The following CNTN2 variants were observed in gnomAD, a reference collection of about 807,000 sequenced individuals.
CNTN2 encodes contactin 2, also known as contactin-2.
Under a neutral mutation model 117.5 loss-of-function variants are expected in CNTN2, and 53 were observed. The observed-to-expected ratio is 0.45, with a 90% confidence interval of 0.36 to 0.57. The LOEUF (loss-of-function observed/expected upper bound fraction) is 0.57. Among genes scored for constraint, CNTN2 ranks in the 20% least tolerant of loss-of-function variants. CNTN2 has a pLI of 0.00. For synonymous variants in CNTN2, 530 were observed against 561.7 expected, an observed-to-expected ratio of 0.94 and a Z score of 0.80; for missense variants, 1,106 against 1,404.3, an observed-to-expected ratio of 0.79 and a Z score of 3.39.
chr1:205,065,694 A>T lies in CNTN2; in HGVS notation c.1696-95A>T. 3.4e-6 allele frequency: 2 copies of T among 592,202 alleles called. No homozygotes were observed. The highest frequency in any genetic ancestry group is 3.0e-6 in the Non-Finnish European group (1 of 333,308). The allele number at this position is 592,202 out of a possible 1,614,324, so 36.7% of individuals were successfully genotyped here. ...GTGGGGTCCATGGATGTCATGGAGT[A>T]GGGGACTCCCAAGCGCTGCCTCATG... On this transcript the variant is annotated intron_variant, in intron 13 of 22. Coordinates refer to ENST00000331830, the MANE Select transcript of CNTN2 (RefSeq NM_005076.5). The surrounding 1 kb of genome is among the most constrained non-coding windows in gnomAD (Gnocchi z 4.1).
rs1416205714 is a variant in CNTN2, at chr1:205,059,567, AAC to A, written c.698-15_698-14del. ...GGAGTCATCTGCATCTGATTTGTAA[AAC>A]CCTCTCTCCCCAGATACCCGGCTCT... On this transcript the variant is annotated splice_polypyrimidine_tract_variant and intron_variant, in intron 6 of 22. Coordinates refer to ENST00000331830, the MANE Select transcript of CNTN2 (RefSeq NM_005076.5). The surrounding 1 kb of genome is among the most constrained non-coding windows in gnomAD (Gnocchi z 5.6). The A allele has an allele frequency of 1.2e-6, 2 of 1,612,614 alleles. No homozygotes were observed. The highest frequency in any genetic ancestry group is 2.2e-5 in the South Asian group (2 of 91,026).
intron 1 of CNTN2, among the ~76,000 whole-genome samples, chr1:205,050,811 G>C (rs1207588814): frequency 6.6e-6 from 1 of 151,868 alleles, no homozygotes; most frequent in Non-Finnish European, 1.5e-5. Context: ...TAGAGATGGG[G>C]TTTCACCATG....
Position 205,073,095 on chromosome 1 carries a change from A to T in CNTN2, c.2872A>T (p.Thr958Ser). 5 of 1,613,712 alleles carry T rather than the reference A, an allele frequency of 3.1e-6. No individual in the cohort carries two copies. The highest frequency in any genetic ancestry group is 3.4e-6 in the Non-Finnish European group (4 of 1,179,928). ...GCTGTACCAGAATGACTTACACCTG[A>T]CTCCCACGCTCCACCTCACCGGCAA... ...KMLYQNDLHL[T>S]PTLHLTGKNW... Residue 958 changes from threonine (T) to serine (S), a missense_variant, in exon 22 of 23, where the codon ACT becomes TCT. Thr to Ser is a moderately conservative substitution (Grantham distance 58). Transcript: ENST00000331830. The surrounding 1 kb of genome is among the most constrained non-coding windows in gnomAD (Gnocchi z 6.3).
At position 205,061,187 on chromosome 1, in the gene CNTN2, GCA is replaced by G. The variant is rs776735118; in HGVS notation, c.798-56_798-55del. The stretch of plus-strand genomic sequence containing the variant: ...AGAGTCTGGGTATGAGGAGCTGCGG[GCA>G]CTGGAGGGGTAGGCCCAGCTCAGCC... On this transcript the variant is annotated intron_variant, in intron 7 of 22. Coordinates refer to ENST00000331830, the MANE Select transcript of CNTN2 (RefSeq NM_005076.5). The surrounding 1 kb of genome is among the most constrained non-coding windows in gnomAD (Gnocchi z 4.8). 120 of 1,530,580 alleles carry G rather than the reference GCA, an allele frequency of 7.8e-5. No individual in the cohort carries two copies. The highest frequency in any genetic ancestry group is 9.7e-5 in the Non-Finnish European group (109 of 1,129,002). 94.8% of individuals were successfully genotyped at this position (1,530,580 alleles called of 1,614,324 possible). A position where few individuals can be genotyped will look rare whatever the true frequency, so the allele number is the denominator to read the frequency against.
intron 9 of CNTN2, 29 bp from the exon 10 acceptor site, chr1:205,062,411 C>T: frequency 6.3e-7 from 1 of 1,592,904 alleles, no homozygotes; most frequent in South Asian, 1.1e-5. Flanking sequence ...TGGTCCTGAT[C>T]CCCCTGGGCT....
Position 205,074,481 on chromosome 1 carries a change from T to A in CNTN2, c.*716T>A. On this transcript the variant is annotated 3_prime_UTR_variant, in exon 23 of 23. Coordinates refer to ENST00000331830, the MANE Select transcript of CNTN2 (RefSeq NM_005076.5). ...TGGTGGAAAGGGGCACCAGCCTTGG[T>A]CTGAGATAGTCACAACCCAGGTGAC... 1 of 398,340 alleles carries A rather than the reference T, an allele frequency of 2.5e-6. No homozygotes were observed. 24.7% of individuals were successfully genotyped at this position (398,340 alleles called of 1,614,324 possible). A position where few individuals can be genotyped will look rare whatever the true frequency, so the allele number is the denominator to read the frequency against.
At chr1:205,069,307 G>A in intron 16 of CNTN2, 184 bp from the exon 17 acceptor site, 1 of 561,632 alleles carries the variant, frequency 1.8e-6, no homozygotes, top group Non-Finnish European at 3.2e-6. Context: ...AAATGGCAGA[G>A]GTGGGATTTG....
At chr1:205,062,316 C>T in intron 9 of CNTN2, 124 bp from the exon 10 acceptor site, 7 of 1,318,886 alleles carry the variant, frequency 5.3e-6, no homozygotes, top group Non-Finnish European at 7.2e-6. Context: ...TAGGACTGGA[C>T]ATATAAGCCA....
In CNTN2 at chr1:205,058,085, T is replaced by G. The variant is rs939809329; in HGVS notation, c.215+20T>G. ...CTATCGGTAAGGCCTCTGCAGTGGG[T>G]GCTGGGAGGCCCTGGGCAGCCGTTG... On this transcript the variant is annotated intron_variant, in intron 3 of 22. Transcript: ENST00000331830. This position sits in a 1 kb window ranked among gnomAD's most constrained non-coding sequence, Gnocchi z 4.3. The G allele has an allele frequency of 4.3e-6, 7 of 1,611,170 alleles. No individual in the cohort carries two copies. The highest frequency in any genetic ancestry group is 3.4e-6 in the Non-Finnish European group (4 of 1,178,936).
intron 1 of CNTN2, among the ~76,000 whole-genome samples, chr1:205,050,278 AGTGTGTGT>A (rs3073631): frequency 0.014 from 2,042 of 145,296 alleles, 31 homozygotes; most frequent in African/African-American, 0.04. Context: ...TAGAGCTCTG[AGTGTGTGT>A]GTGTGTGTGT....
At position 205,060,893 on chromosome 1, in the gene CNTN2, C is replaced by A. The variant is rs1256320349; in HGVS notation, c.798-352C>A. On this transcript the variant is annotated intron_variant, in intron 7 of 22. Coordinates refer to ENST00000331830, the MANE Select transcript of CNTN2 (RefSeq NM_005076.5). ...AACGGAAAAGAGAACCCGTAAAGAC[C>A]CAGGTCACAGGCCACTGTGGCGGAG... 1.3e-5 allele frequency: 3 copies of A among 239,934 alleles called. No individual in the cohort carries two copies. The Admixed American group carries it at 1.6e-4, about 13-fold the overall frequency. The allele number at this position is 239,934 out of a possible 1,614,324, so 14.9% of individuals were successfully genotyped here. A position where few individuals can be genotyped will look rare whatever the true frequency, so the allele number is the denominator to read the frequency against.
intron 1 of CNTN2, among the ~76,000 whole-genome samples, chr1:205,049,493 C>T (rs560995025): frequency 1.3e-5 from 2 of 152,156 alleles, no homozygotes; most frequent in South Asian, 2.1e-4. Flanking sequence ...GACACAGACG[C>T]GCACACACAC....
intron 16 of CNTN2, 90 bp downstream of exon 16, chr1:205,067,340 T>G: frequency 6.7e-7 from 1 of 1,488,948 alleles, no homozygotes; most frequent in Non-Finnish European, 9.1e-7. Context: ...GCAATTATGC[T>G]GAGTTCCAAC....
At chr1:205,044,380 G>T (rs897472383) in intron 1 of CNTN2, among the ~76,000 whole-genome samples, 54 of 152,046 alleles carry the variant, frequency 3.6e-4, no homozygotes, top group African/African-American at 1.3e-3. Flanking sequence ...GCCTATGGAA[G>T]GGGAGAATCC....
At position 205,065,339 on chromosome 1, in the gene CNTN2, C is replaced by T. The variant is rs575676213; in HGVS notation, c.1695+77C>T. On this transcript the variant is annotated intron_variant, in intron 13 of 22. Coordinates refer to ENST00000331830, the MANE Select transcript of CNTN2 (RefSeq NM_005076.5). This position sits in a 1 kb window ranked among gnomAD's most constrained non-coding sequence, Gnocchi z 4.1. ...GGGGCCCCAAGATGTCCTTAGCCAT[C>T]CTCACCTTTAAGAAACCCATAGCCT... 2.5e-4 allele frequency: 378 copies of T among 1,505,560 alleles called. No homozygotes were observed. The highest frequency in any genetic ancestry group is 2.8e-4 in the Non-Finnish European group (313 of 1,099,268). The allele number at this position is 1,505,560 out of a possible 1,614,324, so 93.3% of individuals were successfully genotyped here. A position where few individuals can be genotyped will look rare whatever the true frequency, so the allele number is the denominator to read the frequency against.
chr1:205,062,048 T>C (rs1448807613), intron 9 of CNTN2, 47 bp downstream of exon 9: 1 of 1,594,134 alleles, frequency 6.3e-7, no homozygotes, highest in Non-Finnish European at 8.5e-7. Flanking sequence ...TGTCCTCTGC[T>C]CACTTGGTTC....
intron 20 of CNTN2, 45 bp downstream of exon 20, chr1:205,072,178 G>T: frequency 1.9e-6 from 3 of 1,538,706 alleles, no homozygotes; most frequent in Non-Finnish European, 2.6e-6. Flanking sequence ...TATTTTGGAG[G>T]GTGGGTGCCT....
In CNTN2 at chr1:205,059,498, G is replaced by A; in HGVS notation, c.698-85G>A. ...CCACACAGCTGCCTAGACAGAGTTG[G>A]CTCTGAAAGGTGCTGAGATCCCATG... On this transcript the variant is annotated intron_variant, in intron 6 of 22. Transcript: ENST00000331830. The surrounding 1 kb of genome is among the most constrained non-coding windows in gnomAD (Gnocchi z 5.6). 2 of 1,350,022 alleles carry A rather than the reference G, an allele frequency of 1.5e-6. No homozygotes were observed. The highest frequency in any genetic ancestry group is 1.1e-6 in the Non-Finnish European group (1 of 943,590). 83.6% of individuals were successfully genotyped at this position (1,350,022 alleles called of 1,614,324 possible).
chr1:205,062,598 C>T, intron 10 of CNTN2, 29 bp downstream of exon 10: 1 of 1,601,052 alleles, frequency 6.2e-7, no homozygotes, highest in Non-Finnish European at 8.5e-7. Flanking sequence ...CAGGGGACAT[C>T]CCAAGGACAT....
Sources: allele counts gnomAD v4.1 joint callset (sites outside exome capture counted in the v4.1 genomes callset), GRCh38; gene constraint gnomAD v4.1.1; non-coding constraint Gnocchi (gnomAD v3.1); transcripts MANE v1.5; gene names NCBI Gene and HGNC (gene_info 2026-07-23, HGNC 2026-07-21).